Variants in SLC47A2 observed in about 807,000 individuals in gnomAD.
The protein encoded by SLC47A2 is solute carrier family 47 member 2.
Under a neutral mutation model 67.7 loss-of-function variants are expected in SLC47A2, and 52 were observed. The observed-to-expected ratio is 0.77, with a 90% confidence interval of 0.61 to 0.97. The LOEUF (loss-of-function observed/expected upper bound fraction) is 0.97. Among genes scored for constraint, SLC47A2 ranks in the 50% least tolerant of loss-of-function variants. The pLI is 0.00. For synonymous variants in SLC47A2, 278 were observed against 292.9 expected (o/e 0.95, Z 0.52); for missense variants, 676 against 712.3 (o/e 0.95, Z 0.58).
intron 13 of SLC47A2, among the ~76,000 whole-genome samples, chr17:19,701,167 CAAAAAAAAAAAA>C (rs35086555): frequency 3.1e-5 from 2 of 64,962 alleles, no homozygotes; most frequent in African/African-American, 5.3e-5. Flanking sequence ...GACTCTGTCT[CAAAAAAAAAAAA>C]AAAAAAAAAT....
rs146305226 is a variant in SLC47A2 at position 19,688,886 on chromosome 17, G to A, written c.1165-7216C>T. Among the ~76,000 whole-genome samples, 1,199 of 146,658 alleles carry A rather than the reference G, an allele frequency of 8.2e-3. 7 individuals are homozygous for A. The highest frequency in any genetic ancestry group is 0.014 in the Middle Eastern group (4 of 280). On this transcript the variant is annotated intron_variant, in intron 13 of 16. Transcript: ENST00000433844. Reference sequence around the variant, plus strand: ...GATATCTTTTTTTTTTTTTTTAAGAGAGAGGGTCTCGCTGTGTCATCCAGA... The same window carrying A: ...GATATCTTTTTTTTTTTTTTTAAGAAAGAGGGTCTCGCTGTGTCATCCAGA...
In SLC47A2 at chr17:19,715,123, G is replaced by A. The variant is rs147915236; in HGVS notation, c.218C>T (p.Ala73Val). Residue 73 changes from alanine to valine, a missense_variant, in exon 2 of 17, where the codon GCG (alanine) becomes GTG (valine). Transcript: ENST00000433844. ...GCCAAGCTGGGTACTCACGGCCACC[G>A]CGAGGGTCACCGATGCCAGCTCCAC... ...GKVELASVTL[A>V]VAFVNVCGVS... is the part of the protein sequence containing the mutation. 1.3e-3 allele frequency: 2,175 copies of A among 1,611,874 alleles called. 3 individuals carry two copies. The highest frequency in any genetic ancestry group is 4.8e-3 in the Middle Eastern group (29 of 6,016).
At chr17:19,680,685 A>G (rs1464965724) in intron 15 of SLC47A2, among the ~76,000 whole-genome samples, 2 of 152,030 alleles carry the variant, frequency 1.3e-5, no homozygotes. Flanking sequence ...TTTAAAAAGG[A>G]CATCAAAGAG....
At chr17:19,718,452 C>G (rs1350972451), upstream of SLC47A2, 2 of 152,368 alleles carry the variant, frequency 1.3e-5, no homozygotes, top group Non-Finnish European at 2.9e-5. Context: ...GCCATCAGCT[C>G]GGTGACATCA....
chr17:19,685,803 CTAAA>C lies in SLC47A2; in HGVS notation c.1165-4137_1165-4134del, dbSNP rs564092010. On this transcript the variant is annotated intron_variant, in intron 13 of 16. Transcript: ENST00000433844. The surrounding 1 kb of genome is among the most constrained non-coding windows in gnomAD (Gnocchi z 4.5). ...AACACCCAAAAATGATCAATAAATA[CTAAA>C]TAAATAAATAAATAAATAAACTACT... 6.0e-3 allele frequency among the ~76,000 whole-genome samples: 910 copies of C among 151,986 alleles called. 3 individuals are homozygous for C. Among genetic ancestry groups the C allele is most frequent in the African/African-American group, 0.018 (765 of 41,402 alleles).
chr17:19,680,068 AC>A (rs2085280683), intron 15 of SLC47A2, 29 bp from the exon 16 acceptor site: 3 of 1,607,374 alleles, frequency 1.9e-6, no homozygotes, highest in African/African-American at 2.7e-5. Context: ...AATTGGGTCA[AC>A]CTGCCAGCTC....
At chr17:19,692,250 A>G in intron 13 of SLC47A2, 1 of 424,192 alleles carries the variant, frequency 2.4e-6, no homozygotes. Flanking sequence ...AAGAAAAAGA[A>G]AAGATCCATA....
intron 2 of SLC47A2, 111 bp downstream of exon 2, chr17:19,715,005 G>T: frequency 7.6e-7 from 1 of 1,323,544 alleles, no homozygotes; most frequent in Non-Finnish European, 1.1e-6. Flanking sequence ...CCAGCCACGT[G>T]GGCTGTGTCT....
intron 13 of SLC47A2, among the ~76,000 whole-genome samples, chr17:19,693,759 T>C (rs1322270609): frequency 6.6e-6 from 1 of 152,056 alleles, no homozygotes; most frequent in Admixed American, 6.5e-5. Flanking sequence ...GATCGCGCCA[T>C]TGCTCTCTAG....
rs753993296 is a variant in SLC47A2 at position 19,681,442 on chromosome 17, C to A, written c.1317G>T (p.Leu439=). ...MRIMGLWLGM[L]ACVFLATAAF... is the part of the protein sequence containing the mutation. ...CAGCAGTTGCCAGGAAGACACAGGC[C>A]AGCATGCCCAGCCAGAGGCCTGGAG... The change falls in exon 15 of 17, where the codon CTG becomes CTT. Residue 439 remains leucine (L), a synonymous_variant. Transcript: ENST00000433844. 1.1e-5 allele frequency: 18 copies of A among 1,613,942 alleles called. 1 individual carries two copies. In the South Asian group the frequency reaches 2.0e-4, roughly 18 times the overall value.
At chr17:19,691,234 C>T (rs2085533425) in intron 13 of SLC47A2, among the ~76,000 whole-genome samples, 2 of 152,022 alleles carry the variant, frequency 1.3e-5, no homozygotes, top group Non-Finnish European at 2.9e-5. Context: ...ACCACGTGAT[C>T]CAGCAATCCT....
In SLC47A2 at chr17:19,715,700, T is replaced by TTTG. The variant is rs2086239614; in HGVS notation, c.124-484_124-483insCAA. 3 of 128,526 alleles carry TTTG rather than the reference T, an allele frequency of 2.3e-5. No individual in the cohort carries two copies. The South Asian group carries it at 8.0e-4, about 34-fold the overall frequency. 8.0% of individuals were successfully genotyped at this position (128,526 alleles called of 1,614,324 possible). A position where few individuals can be genotyped will look rare whatever the true frequency, so the allele number is the denominator to read the frequency against. On this transcript the variant is annotated intron_variant, in intron 1 of 16. Transcript: ENST00000433844. ...TCCATTACTCCTTTTTGGTTTTGTT[T>TTTG]TTTTTGTTTTTTTTTTTTTTTTTGA...
At chr17:19,701,398 C>T (rs1290880581) in intron 13 of SLC47A2, among the ~76,000 whole-genome samples, 2 of 152,074 alleles carry the variant, frequency 1.3e-5, no homozygotes, top group African/African-American at 4.8e-5. Context: ...GGATGGAGTA[C>T]ACAGAGGCCT....
intron 13 of SLC47A2, chr17:19,702,064 G>T: frequency 1.1e-6 from 1 of 910,506 alleles, no homozygotes; most frequent in Non-Finnish European, 1.3e-6. Context: ...AGCCATGATC[G>T]CACTGCTGCA....
intron 2 of SLC47A2, 63 bp from the exon 3 acceptor site, chr17:19,714,852 A>T (rs2086207355): frequency 6.2e-7 from 1 of 1,604,864 alleles, no homozygotes. Context: ...AGGCCCCTGC[A>T]TCTGGGCTGA....
In SLC47A2 at chr17:19,678,822, T is replaced by G. The variant is rs749761663; in HGVS notation, c.1565A>C (p.Glu522Ala). Residue 522 changes from glutamate to alanine, a missense_variant, in exon 17 of 17, where the codon GAG (glutamate) becomes GCG (alanine). By Grantham distance (107) the Glu-to-Ala change is moderately radical (BLOSUM62 -1). Transcript: ENST00000433844. The part of the protein sequence containing the change: ...CHVDFFRTPE[E>A]AHALSAPTSR... ...GGTAGGAGCTGAAAGGGCGTGGGCC[T>G]CCTCTGGAGTCCTGAAGAAGTCCAC... The G allele has an allele frequency of 1.9e-6, 3 of 1,613,704 alleles. No individual in the cohort carries two copies. The highest frequency in any genetic ancestry group is 2.2e-5 in the East Asian group (1 of 44,884).
In SLC47A2 at chr17:19,705,470, G is replaced by C; in HGVS notation, c.875C>G (p.Ala292Gly). The change falls in exon 10 of 17, where the codon GCT (alanine) becomes GGT (glycine). Residue 292 changes from alanine to glycine, a missense_variant. Physicochemically the swap from Ala to Gly is moderately conservative, Grantham distance 60. Coordinates refer to ENST00000433844, the MANE Select transcript of SLC47A2 (RefSeq NM_001099646.3). ...LLSVVDLSAQ[A>G]VIYEVATVTY... ...CACAGTGGCCACCTCGTAGATGACA[G>C]CCTGGGCAGAGAGATCCACCACACT... 2 of 1,612,006 alleles carry C rather than the reference G, an allele frequency of 1.2e-6. No homozygotes were observed. The highest frequency in any genetic ancestry group is 1.7e-6 in the Non-Finnish European group (2 of 1,179,486).
At chr17:19,697,122 T>G (rs1489920468) in intron 13 of SLC47A2, among the ~76,000 whole-genome samples, 2 of 151,952 alleles carry the variant, frequency 1.3e-5, no homozygotes, top group African/African-American at 4.8e-5. Context: ...AAACCCTGTC[T>G]CTACTAAAAA....
intron 2 of SLC47A2, 51 bp downstream of exon 2, chr17:19,715,065 G>A (rs763253622): frequency 6.3e-7 from 1 of 1,581,710 alleles, no homozygotes; most frequent in East Asian, 2.2e-5. Flanking sequence ...GAACCCGGTG[G>A]AGAAGCCTGG....
Sources: gnomAD v4.1 joint callset for allele counts (sites outside exome capture counted in the v4.1 genomes callset) on GRCh38, gnomAD v4.1.1 for gene constraint, Gnocchi (gnomAD v3.1) non-coding constraint, MANE v1.5 for transcripts, NCBI Gene and HGNC (gene_info 2026-07-23, HGNC 2026-07-21) for gene names.